The following DST variants were observed in gnomAD, a reference collection of about 807,000 sequenced individuals.
DST encodes the protein dystonin.
DST carries 253 observed loss-of-function variants against 875.2 expected under a neutral mutation model. The observed-to-expected ratio is 0.29, with a 90% CI of 0.26 to 0.32. The LOEUF is 0.32. Ranked by LOEUF, DST falls within the 10% of genes least tolerant of loss-of-function variation. The pLI, the probability that DST is intolerant of heterozygous loss-of-function variation, is 1.00. For synonymous variants in DST, 3,124 were observed against 3,197.1 expected, an observed-to-expected ratio of 0.98 and a Z score of 0.77; for missense variants, 8,287 against 9,111.6, an observed-to-expected ratio of 0.91 and a Z score of 3.68.
intron 36 of DST, chr6:56,618,334 A>G: frequency 1.2e-6 from 2 of 1,614,142 alleles, no homozygotes. Context: ...GAAGGTGTCC[A>G]GTGTTTCTAG....
At position 56,472,097 on chromosome 6, in the gene DST, T is replaced by A; in HGVS notation, c.22120A>T (p.Arg7374Trp). Residue 7374 changes from arginine (R) to tryptophan (W), a missense_variant, in exon 94 of 104, where the codon AGG (arginine) becomes TGG (tryptophan). By Grantham distance (101) the Arg-to-Trp change is moderately radical. Coordinates refer to ENST00000680361, the MANE Select transcript of DST (RefSeq NM_001374736.1). ...TCCAAGGCATCATTGAGTTTCCTCC[T>A]TCTTTCCAACGCCAGGAGCCAGACT... is the stretch of plus-strand genomic sequence containing the variant. ...QQVWLLALERRRKLNDALDRL... is the reference protein window; with the variant it reads ...QQVWLLALERWRKLNDALDRL... 6.2e-7 allele frequency: 1 copy of A among 1,614,000 alleles called. No homozygotes were observed. Among genetic ancestry groups the A allele is most frequent in the Non-Finnish European group, 8.5e-7 (1 of 1,179,854 alleles).
Position 56,466,207 on chromosome 6 carries a change from A to G in DST, c.22570-12T>C. The stretch of plus-strand genomic sequence containing the variant: ...TGGGAGTCTCCAAACTGTTCAGTGA[A>G]GAAAGAAAGAACCTCTAGTTGTCAA... On this transcript the variant is annotated splice_polypyrimidine_tract_variant and intron_variant, in intron 98 of 103. Transcript: ENST00000680361. 1.9e-6 allele frequency: 3 copies of G among 1,553,978 alleles called. No individual in the cohort carries two copies. The South Asian group carries it at 3.7e-5, about 19-fold the overall frequency.
intron 2 of DST, among the ~76,000 whole-genome samples, chr6:56,917,741 G>C (rs1342159055): frequency 6.6e-6 from 1 of 152,174 alleles, no homozygotes; most frequent in Non-Finnish European, 1.5e-5. Flanking sequence ...ACTTATCATG[G>C]ATATGAAGGG....
chr6:56,668,449 G>T (rs1418820194), intron 10 of DST, among the ~76,000 whole-genome samples: 1 of 152,120 alleles, frequency 6.6e-6, no homozygotes, highest in East Asian at 1.9e-4. Context: ...GCCAGGCATG[G>T]TGGCTCACGC....
At chr6:56,752,220 T>C (rs2099589333) in intron 4 of DST, among the ~76,000 whole-genome samples, 1 of 152,118 alleles carries the variant, frequency 6.6e-6, no homozygotes, top group Non-Finnish European at 1.5e-5. Context: ...AGTCATCCTG[T>C]CTTAGTCCAA....
chr6:56,791,988 C>A (rs1236564093), intron 4 of DST, among the ~76,000 whole-genome samples: 1 of 151,866 alleles, frequency 6.6e-6, no homozygotes, highest in Non-Finnish European at 1.5e-5. Context: ...AGGGAAAGCA[C>A]AAAGTGAGCC....
Position 56,607,811 on chromosome 6 carries a change from T to C in DST, c.6817A>G (p.Thr2273Ala). The change falls in exon 40 of 104, where the codon ACA becomes GCA. Residue 2273 changes from threonine to alanine, a missense_variant. Thr to Ala is a moderately conservative substitution (Grantham distance 58). Coordinates refer to ENST00000680361, the MANE Select transcript of DST (RefSeq NM_001374736.1). ...NASGREKDEC[T>A]ATPSSFNKCH... is the part of the protein sequence containing the mutation. ...TTATTGAAACTACTTGGTGTAGCTG[T>C]ACATTCATCCTTTTCTCTACCTGAA... 1 of 1,613,462 alleles carries C rather than the reference T, an allele frequency of 6.2e-7. No homozygotes were observed.
intron 4 of DST, among the ~76,000 whole-genome samples, chr6:56,735,496 A>C (rs1281042189): frequency 1.3e-5 from 2 of 152,134 alleles, no homozygotes; most frequent in African/African-American, 4.8e-5. Flanking sequence ...CCAGTACTGC[A>C]TTTACCAATA....
At chr6:56,805,472 T>C (rs1021018325) in intron 4 of DST, among the ~76,000 whole-genome samples, 1 of 152,082 alleles carries the variant, frequency 6.6e-6, no homozygotes, top group African/African-American at 2.4e-5. Context: ...AACGAACAGA[T>C]TCACATTAAA....
intron 4 of DST, among the ~76,000 whole-genome samples, chr6:56,762,218 C>T (rs1350039780): frequency 1.3e-5 from 2 of 152,122 alleles, no homozygotes; most frequent in African/African-American, 2.4e-5. Flanking sequence ...AACAGGGTTT[C>T]TCCATGTTGG....
chr6:56,825,313 G>A (rs1287901061), intron 4 of DST, among the ~76,000 whole-genome samples: 2 of 147,566 alleles, frequency 1.4e-5, no homozygotes, highest in Non-Finnish European at 3.0e-5. Context: ...TGCTCGTTAA[G>A]AGTCATCACC....
At chr6:56,949,341 C>T (rs960935993) in intron 2 of DST, among the ~76,000 whole-genome samples, 3 of 152,148 alleles carry the variant, frequency 2.0e-5, no homozygotes, top group Non-Finnish European at 4.4e-5. Flanking sequence ...GTATGATAAA[C>T]TCTGTGAATA....
intron 3 of DST, among the ~76,000 whole-genome samples, chr6:56,858,377 C>T (rs1769133513): frequency 6.6e-6 from 1 of 152,144 alleles, no homozygotes; most frequent in East Asian, 1.9e-4. Context: ...AATGATTGTA[C>T]ACTGGTTAGT....
intron 4 of DST, among the ~76,000 whole-genome samples, chr6:56,765,788 A>G (rs944338870): frequency 6.6e-6 from 1 of 151,918 alleles, no homozygotes; most frequent in East Asian, 1.9e-4. Flanking sequence ...GGTCCCTGAC[A>G]ACTATCAGGA....
At chr6:56,575,418 G>A (rs1416906786) in intron 50 of DST, among the ~76,000 whole-genome samples, 2 of 152,176 alleles carry the variant, frequency 1.3e-5, no homozygotes, top group African/African-American at 2.4e-5. Flanking sequence ...CACATGCTCT[G>A]AATGGCAGCT....
chr6:56,872,064 A>G (rs895480700), intron 3 of DST, among the ~76,000 whole-genome samples: 13 of 152,182 alleles, frequency 8.5e-5, no homozygotes, highest in Non-Finnish European at 8.8e-5. Flanking sequence ...TTGATCCAGT[A>G]ATTCCACTAA....
At chr6:56,478,596 G>A (rs762787770) in intron 90 of DST, among the ~76,000 whole-genome samples, 8 of 152,160 alleles carry the variant, frequency 5.3e-5, no homozygotes, top group Non-Finnish European at 1.2e-4. Flanking sequence ...CTGAAAATGT[G>A]ATTACAAAAT....
chr6:56,896,320 C>G (rs1791265200), intron 3 of DST, among the ~76,000 whole-genome samples: 2 of 152,220 alleles, frequency 1.3e-5, no homozygotes, highest in Middle Eastern at 3.4e-3. Context: ...CTTCCCCATG[C>G]TATTCTCATG....
chr6:56,663,221 T>C (rs994166791), intron 10 of DST, among the ~76,000 whole-genome samples: 1 of 152,214 alleles, frequency 6.6e-6, no homozygotes, highest in Non-Finnish European at 1.5e-5. Flanking sequence ...ACGCACTACA[T>C]TATAAGCAGT....
Sources: allele counts gnomAD v4.1 joint callset (sites outside exome capture counted in the v4.1 genomes callset), GRCh38; gene constraint gnomAD v4.1.1; transcripts MANE v1.5; gene names NCBI Gene and HGNC (gene_info 2026-07-23, HGNC 2026-07-21).